POU2F1: variants seen among roughly 807,000 people sequenced by gnomAD.
POU2F1 encodes the protein POU domain, class 2, transcription factor 1.
In POU2F1, 16 loss-of-function variants were observed where a neutral mutation model predicts 84.9. The ratio of observed to expected loss-of-function variants is 0.19; its 90% CI spans 0.13 to 0.29. The LOEUF is 0.29. Ranked by LOEUF, POU2F1 falls within the 10% of genes least tolerant of loss-of-function variation. The pLI, the probability that POU2F1 is intolerant of heterozygous loss-of-function variation, is 1.00. For missense variants in POU2F1, 738 were observed against 942.6 expected (o/e 0.78, Z 2.84); for synonymous variants, 368 against 368.3 (o/e 1.00, Z 0.01).
At chr1:167,302,233 G>A (rs1396337485) in intron 1 of POU2F1, among the ~76,000 whole-genome samples, 3 of 151,104 alleles carry the variant, frequency 2.0e-5, no homozygotes, top group East Asian at 1.9e-4. Flanking sequence ...ACAGGCACAC[G>A]CCACCACACC....
chr1:167,372,071 T>C, intron 5 of POU2F1, 35 bp downstream of exon 5: 1 of 1,594,032 alleles, frequency 6.3e-7, no homozygotes, highest in African/African-American at 1.3e-5. Context: ...AACAAACTTT[T>C]TCTGTGTCAG....
intron 1 of POU2F1, among the ~76,000 whole-genome samples, chr1:167,227,308 G>A (rs935321570): frequency 2.2e-4 from 34 of 152,014 alleles, no homozygotes; most frequent in Non-Finnish European, 1.2e-4. Context: ...TATAGAAATG[G>A]TATATGAAAT....
intron 9 of POU2F1, 96 bp from the exon 10 acceptor site, chr1:167,396,190 C>T (rs1374159437): frequency 1.6e-5 from 22 of 1,373,884 alleles, no homozygotes; most frequent in Non-Finnish European, 2.1e-5. Flanking sequence ...TTGTCTAAAG[C>T]AGTTATTGGA....
chr1:167,281,453 C>T (rs1032820526), intron 1 of POU2F1, among the ~76,000 whole-genome samples: 1 of 152,216 alleles, frequency 6.6e-6, no homozygotes, highest in Non-Finnish European at 1.5e-5. Flanking sequence ...TGACGGTTTG[C>T]CAATCGGGCA....
At chr1:167,260,014 G>A (rs1440701066) in intron 1 of POU2F1, among the ~76,000 whole-genome samples, 2 of 152,074 alleles carry the variant, frequency 1.3e-5, no homozygotes, top group Non-Finnish European at 2.9e-5. Context: ...GAGTAGCTGG[G>A]ACTACAGGCA....
intron 2 of POU2F1, among the ~76,000 whole-genome samples, chr1:167,364,521 T>G (rs1440301293): frequency 2.9e-5 from 1 of 34,710 alleles, no homozygotes; most frequent in Admixed American, 3.2e-4. Context: ...CAGAGCGAGC[T>G]CCGTCTCAAA....
chr1:167,359,227 G>T (rs1441067000), intron 2 of POU2F1, among the ~76,000 whole-genome samples: 1 of 151,878 alleles, frequency 6.6e-6, no homozygotes, highest in African/African-American at 2.4e-5. Flanking sequence ...AGATGTAGGG[G>T]GTAAATGCAC....
intron 7 of POU2F1, among the ~76,000 whole-genome samples, chr1:167,377,711 T>C (rs1444738786): frequency 6.6e-6 from 1 of 152,248 alleles, no homozygotes; most frequent in Non-Finnish European, 1.5e-5. Context: ...CTCAGGTTTG[T>C]TATGTAGATA....
chr1:167,365,026 TA>T (rs1162966676), intron 2 of POU2F1, among the ~76,000 whole-genome samples: 4 of 152,238 alleles, frequency 2.6e-5, no homozygotes, highest in Admixed American at 2.6e-4. Flanking sequence ...TGCTATTCAT[TA>T]AAGTGTTCAG....
chr1:167,342,307 T>C (rs1001201940), intron 2 of POU2F1, among the ~76,000 whole-genome samples: 1 of 152,208 alleles, frequency 6.6e-6, no homozygotes, highest in African/African-American at 2.4e-5. Context: ...AATTTGTTAA[T>C]GTAACCTAAT....
At chr1:167,330,550 TCTTA>T (rs1345397112) in intron 1 of POU2F1, among the ~76,000 whole-genome samples, 11 of 152,210 alleles carry the variant, frequency 7.2e-5, no homozygotes, top group Non-Finnish European at 1.2e-4. Flanking sequence ...AAATTACATC[TCTTA>T]CTTTCAGTTA....
rs1003364477 is a variant in POU2F1 at position 167,418,918 on chromosome 1, AT to A, written c.*3115del. ...AAGATAAATCTTTAGATAAAAATAA[AT>A]TTTTTTCTCTTTTTTTACTTATTTA... On this transcript the variant is annotated 3_prime_UTR_variant, in exon 16 of 16. Coordinates refer to ENST00000367866, the MANE Select transcript of POU2F1 (RefSeq NM_002697.4). The A allele has an allele frequency of 1.3e-5, 2 of 151,982 alleles. No individual in the cohort carries two copies. Among genetic ancestry groups the A allele is most frequent in the East Asian group, 3.9e-4 (2 of 5,192 alleles). 9.4% of individuals were successfully genotyped at this position (151,982 alleles called of 1,614,324 possible). A position where few individuals can be genotyped will look rare whatever the true frequency, so the allele number is the denominator to read the frequency against.
At chr1:167,278,675 C>G (rs1167825100) in intron 1 of POU2F1, among the ~76,000 whole-genome samples, 1 of 152,148 alleles carries the variant, frequency 6.6e-6, no homozygotes, top group Non-Finnish European at 1.5e-5. Context: ...TTTATTTTTA[C>G]CTGTCCTGAC....
chr1:167,415,482 G>T lies in POU2F1; in HGVS notation c.1991-18G>T. 1.2e-6 allele frequency: 2 copies of T among 1,609,964 alleles called. No homozygotes were observed. Among genetic ancestry groups the T allele is most frequent in the Non-Finnish European group, 1.7e-6 (2 of 1,177,388 alleles). ...AATGTTTTCATTCCTGCCTGTTTTG[G>T]GGGGTTTTTGTCTGTAGCTCTTGCT... is the stretch of plus-strand genomic sequence containing the variant. On this transcript the variant is annotated intron_variant, in intron 15 of 15. Coordinates refer to ENST00000367866, the MANE Select transcript of POU2F1 (RefSeq NM_002697.4).
intron 1 of POU2F1, among the ~76,000 whole-genome samples, chr1:167,240,970 C>G (rs1046464564): frequency 6.6e-6 from 1 of 151,996 alleles, no homozygotes; most frequent in African/African-American, 2.4e-5. Flanking sequence ...TGGAGAGACC[C>G]CGTCTCTGCT....
chr1:167,248,261 C>G (rs1650482393), intron 1 of POU2F1, among the ~76,000 whole-genome samples: 1 of 152,168 alleles, frequency 6.6e-6, no homozygotes, highest in South Asian at 2.1e-4. Flanking sequence ...AGTAGATGAA[C>G]TTAATGGATG....
At chr1:167,292,258 T>A (rs528316661) in intron 1 of POU2F1, among the ~76,000 whole-genome samples, 1 of 152,166 alleles carries the variant, frequency 6.6e-6, no homozygotes, top group South Asian at 2.1e-4. Flanking sequence ...CAAGATAGGA[T>A]CTTGGTTTGA....
intron 1 of POU2F1, among the ~76,000 whole-genome samples, chr1:167,236,054 G>A (rs1451410006): frequency 2.0e-5 from 3 of 151,622 alleles, no homozygotes; most frequent in Non-Finnish European, 4.4e-5. Context: ...TTTTTCCTAG[G>A]TTGATGAAAA....
chr1:167,297,721 T>G (rs559509896), intron 1 of POU2F1, among the ~76,000 whole-genome samples: 26 of 152,230 alleles, frequency 1.7e-4, no homozygotes, highest in African/African-American at 5.8e-4. Flanking sequence ...TACTACTATG[T>G]AAGCCCTCAG....
Sources: gnomAD v4.1 joint callset for allele counts (sites outside exome capture counted in the v4.1 genomes callset) on GRCh38, gnomAD v4.1.1 for gene constraint, MANE v1.5 for transcripts, NCBI Gene and HGNC (gene_info 2026-07-23, HGNC 2026-07-21) for gene names.